DGKD: variants seen among roughly 807,000 people sequenced by gnomAD.
The protein encoded by DGKD is diacylglycerol kinase delta.
A neutral mutation model predicts 154.4 loss-of-function variants in DGKD; 68 were observed. That is an observed-to-expected ratio of 0.44 (90% CI 0.36 to 0.54). DGKD has a LOEUF of 0.54. Among genes scored for constraint, DGKD ranks in the 20% least tolerant of loss-of-function variants. The pLI is 0.00. For missense variants in DGKD, 1,343 were observed against 1,593.6 expected, an observed-to-expected ratio of 0.84 and a Z score of 2.68; for synonymous variants, 693 against 638.0, an observed-to-expected ratio of 1.09 and a Z score of -1.30.
rs776145724 is a variant in DGKD at position 233,460,264 on chromosome 2, C to T, written c.2900C>T (p.Ser967Phe). 1.2e-6 allele frequency: 2 copies of T among 1,613,998 alleles called. No homozygotes were observed. Among genetic ancestry groups the T allele is most frequent in the East Asian group, 4.5e-5 (2 of 44,816 alleles). The change falls in exon 24 of 30, where the codon TCC (serine) becomes TTC (phenylalanine). Residue 967 changes from serine to phenylalanine, a missense_variant. Ser to Phe is a radical substitution (Grantham distance 155, BLOSUM62 -2). Coordinates refer to ENST00000264057, the MANE Select transcript of DGKD (RefSeq NM_152879.3). ...GAGCTGCCCCGCCCTCCATCCTGTT[C>T]CCTGCACCCGGAGATGCTGTCCGAG... ...KCELPRPPSC[S>F]LHPEMLSEEE...
chr2:233,438,731 T>TTTTTTTA lies in DGKD; in HGVS notation c.1085+357_1085+358insTATTTTT, dbSNP rs3835770. ...GGGTGTATTTTCTTTCATTTTATAA[T>TTTTTTTA]TTTTTATTTATCTGTCTATCTATCA... is the stretch of plus-strand genomic sequence containing the variant. On this transcript the variant is annotated intron_variant, in intron 9 of 29. Coordinates refer to ENST00000264057, the MANE Select transcript of DGKD (RefSeq NM_152879.3). The surrounding 1 kb of genome is among the most constrained non-coding windows in gnomAD (Gnocchi z 4.1). Among the ~76,000 whole-genome samples the TTTTTTTA allele has an allele frequency of 0.15, 16,188 of 107,686 alleles. 2,362 individuals are homozygous for TTTTTTTA. The highest frequency in any genetic ancestry group is 0.47 in the African/African-American group (13,346 of 28,452). The allele number at this position is 107,686 out of a possible 152,430, so 70.6% of individuals were successfully genotyped here.
chr2:233,461,791 G>A (rs759312926), intron 24 of DGKD, among the ~76,000 whole-genome samples: 1 of 152,350 alleles, frequency 6.6e-6, no homozygotes, highest in South Asian at 2.1e-4. Context: ...TGCTCCTATA[G>A]TCTCTGTCCC....
chr2:233,436,166 A>G (rs893782676), intron 6 of DGKD, 150 bp from the exon 7 acceptor site: 16 of 1,346,410 alleles, frequency 1.2e-5, no homozygotes, highest in Non-Finnish European at 1.6e-5. Flanking sequence ...GGTACTTCAC[A>G]GGCCCTGCCA....
intron 3 of DGKD, among the ~76,000 whole-genome samples, chr2:233,406,067 T>G (rs2061678531): frequency 6.6e-6 from 1 of 152,216 alleles, no homozygotes; most frequent in Non-Finnish European, 1.5e-5. Context: ...TGTGACTTGC[T>G]TTTCCCAGCT....
At chr2:233,379,264 C>A (rs1373825977) in intron 1 of DGKD, among the ~76,000 whole-genome samples, 1 of 152,092 alleles carries the variant, frequency 6.6e-6, no homozygotes, top group East Asian at 1.9e-4. Context: ...AAAGCTTAGT[C>A]ATTTCCCAGC....
In DGKD at chr2:233,354,513, G is replaced by A. The variant is rs1312956403; in HGVS notation, c.-6G>A. 4 of 982,902 alleles carry A rather than the reference G, an allele frequency of 4.1e-6. No individual in the cohort carries two copies. The highest frequency in any genetic ancestry group is 4.8e-6 in the Non-Finnish European group (4 of 830,472). 60.9% of individuals were successfully genotyped at this position (982,902 alleles called of 1,614,324 possible). ...CCGCCCGCGGTGCGCGCGCTGGCCC[G>A]GCAGCATGGCGGCGGCGGCGGGCGC... On this transcript the variant is annotated 5_prime_UTR_variant, in exon 1 of 30. Transcript: ENST00000264057. This position sits in a 1 kb window ranked among gnomAD's most constrained non-coding sequence, Gnocchi z 4.8.
Position 233,354,994 on chromosome 2 carries a change from A to G in DGKD, c.156+320A>G, listed in dbSNP as rs1366309645. ...GGACCCGGAGGAAACTGAGGCCTAG[A>G]TGCAGGGGACTGCGCTCGTGCCACC... is the stretch of plus-strand genomic sequence containing the variant. On this transcript the variant is annotated intron_variant, in intron 1 of 29. Coordinates refer to ENST00000264057, the MANE Select transcript of DGKD (RefSeq NM_152879.3). The surrounding 1 kb of genome is among the most constrained non-coding windows in gnomAD (Gnocchi z 4.8). Among the ~76,000 whole-genome samples the G allele has an allele frequency of 6.6e-6, 1 of 151,154 alleles. No homozygotes were observed. The highest frequency in any genetic ancestry group is 1.5e-5 in the Non-Finnish European group (1 of 67,728).
chr2:233,381,801 C>T (rs13415911), intron 1 of DGKD, among the ~76,000 whole-genome samples: 2,294 of 152,240 alleles, frequency 0.015, 56 homozygotes, highest in African/African-American at 0.052. Flanking sequence ...GTTGTTCAAC[C>T]GGGCAAGTTA....
Position 233,458,200 on chromosome 2 carries a change from C to T in DGKD, c.2581-84C>T. The T allele has an allele frequency of 1.2e-6, 1 of 836,288 alleles. No individual in the cohort carries two copies. Among genetic ancestry groups the T allele is most frequent in the Admixed American group, 2.0e-5 (1 of 49,812 alleles). The allele number at this position is 836,288 out of a possible 1,614,324, so 51.8% of individuals were successfully genotyped here. A position where few individuals can be genotyped will look rare whatever the true frequency, so the allele number is the denominator to read the frequency against. On this transcript the variant is annotated intron_variant, in intron 21 of 29. Coordinates refer to ENST00000264057, the MANE Select transcript of DGKD (RefSeq NM_152879.3). This position sits in a 1 kb window ranked among gnomAD's most constrained non-coding sequence, Gnocchi z 6.6. The stretch of plus-strand genomic sequence containing the variant: ...TTCTCGCCAGCTAGGAGGGGCTGAC[C>T]CCCAGAGGGAGGGAGTGAGGGTAGG...
At chr2:233,411,015 C>T (rs1203485664) in intron 3 of DGKD, among the ~76,000 whole-genome samples, 1 of 151,992 alleles carries the variant, frequency 6.6e-6, no homozygotes, top group Non-Finnish European at 1.5e-5. Context: ...TTCTTTCACT[C>T]AGCATAATGG....
chr2:233,462,657 C>T lies in DGKD; in HGVS notation c.3108C>T (p.Ser1036=). 6.2e-7 allele frequency: 1 copy of T among 1,614,166 alleles called. No homozygotes were observed. Among genetic ancestry groups the T allele is most frequent in the Non-Finnish European group, 8.5e-7 (1 of 1,179,998 alleles). ...KPRTTEGLNC[S]FVLEMVNNFR... is the part of the protein sequence containing the mutation. The stretch of plus-strand genomic sequence containing the variant: ...GTTTCTTCTAGGGGCTCAACTGCAG[C>T]TTCGTCCTGGAAATGGTGAATAACT... The change falls in exon 26 of 30, where the codon AGC becomes AGT. Residue 1036 remains serine (S), a synonymous_variant. Transcript: ENST00000264057.
intron 1 of DGKD, among the ~76,000 whole-genome samples, chr2:233,369,387 GTTGTC>G (rs1266783921): frequency 2.0e-5 from 3 of 152,150 alleles, no homozygotes; most frequent in African/African-American, 7.2e-5. Context: ...ATCTTAGCTT[GTTGTC>G]TTTTAATTTC....
chr2:233,434,468 A>G lies in DGKD; in HGVS notation c.437A>G (p.Asn146Ser). The G allele has an allele frequency of 6.2e-7, 1 of 1,614,148 alleles. No homozygotes were observed. ...ATTGCAGCATTAAAGACTGTGCAGAACAGGGAGCACTTTGAGGTTAAAAAA... is the reference window on the plus strand; with the variant it reads ...ATTGCAGCATTAAAGACTGTGCAGAGCAGGGAGCACTTTGAGGTTAAAAAA... ...DWIAALKTVQNREHFEPTQYS... is the reference protein window; with the variant it reads ...DWIAALKTVQSREHFEPTQYS... The change falls in exon 4 of 30, where the codon AAC becomes AGC. Residue 146 changes from asparagine to serine, a missense_variant. Physicochemically the swap from Asn to Ser is conservative, Grantham distance 46 (BLOSUM62 1). Around this residue, in one of 6 missense-constraint regions of DGKD, gnomAD observed 332 missense variants for 400.1 expected, o/e 0.83. Coordinates refer to ENST00000264057, the MANE Select transcript of DGKD (RefSeq NM_152879.3).
intron 1 of DGKD, among the ~76,000 whole-genome samples, chr2:233,381,620 A>AGAT (rs568362954): frequency 1.6e-4 from 24 of 152,288 alleles, no homozygotes; most frequent in Admixed American, 1.5e-3. Flanking sequence ...GAAGTGTTGG[A>AGAT]GATAACCTGG....
At position 233,444,776 on chromosome 2, in the gene DGKD, G is replaced by T. The variant is rs1046107131; in HGVS notation, c.1195-847G>T. Among the ~76,000 whole-genome samples the T allele has an allele frequency of 1.7e-4, 26 of 151,428 alleles. 1 individual carries two copies. The highest frequency in any genetic ancestry group is 2.0e-4 in the Admixed American group (3 of 15,214). On this transcript the variant is annotated intron_variant, in intron 10 of 29. Coordinates refer to ENST00000264057, the MANE Select transcript of DGKD (RefSeq NM_152879.3). The stretch of plus-strand genomic sequence containing the variant: ...CACAGGCGGCAGGGCCTCAAGCATG[G>T]TCACCTCCACCTGGTGGGCAGAGGG...
intron 3 of DGKD, among the ~76,000 whole-genome samples, chr2:233,433,556 G>A (rs1575110928): frequency 6.6e-6 from 1 of 152,066 alleles, no homozygotes; most frequent in South Asian, 2.1e-4. Flanking sequence ...ATAATTTGCT[G>A]TACATTTAAA....
intron 10 of DGKD, among the ~76,000 whole-genome samples, chr2:233,444,660 G>A (rs541472912): frequency 1.4e-5 from 2 of 146,404 alleles, no homozygotes; most frequent in South Asian, 4.6e-4. Context: ...CTAGTGTGTC[G>A]GCTCCGGTGT....
chr2:233,406,194 C>CA (rs2061683782), intron 3 of DGKD, among the ~76,000 whole-genome samples: 1 of 152,178 alleles, frequency 6.6e-6, no homozygotes, highest in Admixed American at 6.5e-5. Flanking sequence ...CTTAAACAGA[C>CA]ACCTGTCCTT....
chr2:233,376,029 T>C (rs1702558473), intron 1 of DGKD, among the ~76,000 whole-genome samples: 2 of 152,120 alleles, frequency 1.3e-5, no homozygotes, highest in East Asian at 1.9e-4. Flanking sequence ...CACAGCTCGA[T>C]AGGGAGATGG....
Sources: allele counts gnomAD v4.1 joint callset (sites outside exome capture counted in the v4.1 genomes callset), GRCh38; gene constraint gnomAD v4.1.1; regional missense constraint gnomAD v4.1.1; non-coding constraint Gnocchi (gnomAD v3.1); transcripts MANE v1.5; gene names NCBI Gene and HGNC (gene_info 2026-07-23, HGNC 2026-07-21).